The following FHIP2A variants were observed in gnomAD, a reference collection of about 807,000 sequenced individuals.
The protein encoded by FHIP2A is FHF complex subunit HOOK interacting protein 2A, also known as family with sequence similarity 160 member B1.
Under a neutral mutation model 93.5 loss-of-function variants are expected in FHIP2A, and 46 were observed. The ratio of observed to expected loss-of-function variants is 0.49; its 90% CI spans 0.39 to 0.63. The LOEUF (loss-of-function observed/expected upper bound fraction) is 0.63, where lower values mean the gene tolerates loss of function less well. FHIP2A is among the 20% of genes least tolerant of loss of function. FHIP2A has a pLI of 0.00. For synonymous variants in FHIP2A, 332 were observed against 326.5 expected (o/e 1.02, Z -0.18); for missense variants, 769 against 909.7 (o/e 0.85, Z 1.99).
chr10:114,853,181 TAGC>T (rs1336841977), intron 13 of FHIP2A, among the ~76,000 whole-genome samples: 2 of 152,232 alleles, frequency 1.3e-5, no homozygotes, highest in African/African-American at 4.8e-5. Context: ...TCAAAATATG[TAGC>T]TTAGAGCTTT....
chr10:114,890,446 T>TACAC (rs960756080), intron 16 of FHIP2A, among the ~76,000 whole-genome samples: 3 of 149,196 alleles, frequency 2.0e-5, no homozygotes, highest in African/African-American at 7.4e-5. Context: ...TGTGTGTGTA[T>TACAC]ACACACACAT....
rs752564985 is a variant in FHIP2A at position 114,833,329 on chromosome 10, A to G, written c.221A>G (p.Glu74Gly). Residue 74 changes from glutamate to glycine, a missense_variant, in exon 3 of 17, where the codon GAG becomes GGG. Glu to Gly is a moderately conservative substitution (Grantham distance 98, BLOSUM62 -2). Coordinates refer to ENST00000369248, the MANE Select transcript of FHIP2A (RefSeq NM_020940.4). ...VQEENERESGETGPCMEYLLH... is the reference protein window; with the variant it reads ...VQEENERESGGTGPCMEYLLH... ...GAAGAAAATGAACGGGAATCTGGAG[A>G]GACAGGGCCATGTATGGAATATTTG... 5.0e-6 allele frequency: 8 copies of G among 1,614,016 alleles called. No individual in the cohort carries two copies. Among genetic ancestry groups the G allele is most frequent in the Non-Finnish European group, 5.9e-6 (7 of 1,179,916 alleles).
At position 114,863,670 on chromosome 10, in the gene FHIP2A, A is replaced by C. The variant is rs2083813727; in HGVS notation, c.*2130A>C. 2 of 1,301,892 alleles carry C rather than the reference A, an allele frequency of 1.5e-6. No individual in the cohort carries two copies. Among genetic ancestry groups the C allele is most frequent in the Non-Finnish European group, 2.0e-6 (2 of 988,084 alleles). 80.6% of individuals were successfully genotyped at this position (1,301,892 alleles called of 1,614,324 possible). On this transcript the variant is annotated 3_prime_UTR_variant, in exon 17 of 17. Transcript: ENST00000369248. Reference sequence around the variant, plus strand: ...TTAGTTCAGACCTAGAGCCAGTAGAAGCTCTCACAGTGAGTTCAATTTGTT... The same window carrying C: ...TTAGTTCAGACCTAGAGCCAGTAGACGCTCTCACAGTGAGTTCAATTTGTT...
chr10:114,859,940 A>G (rs1432200037), intron 14 of FHIP2A, among the ~76,000 whole-genome samples: 1 of 152,194 alleles, frequency 6.6e-6, no homozygotes, highest in East Asian at 1.9e-4. Flanking sequence ...TCTGGTGACA[A>G]GGTTCTGTGA....
intron 1 of FHIP2A, among the ~76,000 whole-genome samples, chr10:114,826,225 T>A (rs1592011792): frequency 6.6e-6 from 1 of 152,208 alleles, no homozygotes; most frequent in East Asian, 1.9e-4. Flanking sequence ...TTGGTCACAA[T>A]GCTTACAGTC....
chr10:114,848,571 T>G (rs1200738921), intron 12 of FHIP2A, 76 bp from the exon 13 acceptor site: 1 of 824,716 alleles, frequency 1.2e-6, no homozygotes, highest in Non-Finnish European at 2.0e-6. Context: ...GATTATGGTC[T>G]TTTTCACTTC....
intron 16 of FHIP2A, among the ~76,000 whole-genome samples, chr10:114,886,112 G>A (rs1379985257): frequency 6.6e-6 from 1 of 152,142 alleles, no homozygotes; most frequent in Non-Finnish European, 1.5e-5. Context: ...AGGAGGAGGA[G>A]GAGGAATTAA....
At chr10:114,823,758 A>G (rs1368070108) in intron 1 of FHIP2A, among the ~76,000 whole-genome samples, 1 of 151,724 alleles carries the variant, frequency 6.6e-6, no homozygotes, top group Non-Finnish European at 1.5e-5. Context: ...TTGGCCTCCC[A>G]AAGTGCTGGG....
chr10:114,830,953 A>C (rs375722459), intron 2 of FHIP2A, 23 bp downstream of exon 2: 99 of 1,409,438 alleles, frequency 7.0e-5, no homozygotes, highest in Middle Eastern at 3.6e-4. Context: ...GCTGATATTA[A>C]CTGAAAATTT....
rs71473073 is a variant in FHIP2A at position 114,880,680 on chromosome 10, A to AACACACACACACACACACACAC, written c.2193-18800_2193-18779dup. ...GGGCAACAGAGTGAGACTCCATGTC[A>AACACACACACACACACACACAC]ACACACACACACACACACACACACA... is the stretch of plus-strand genomic sequence containing the variant. On this transcript the variant is annotated intron_variant, in intron 16 of 16. Coordinates refer to the FHIP2A transcript ENST00000369250. Among the ~76,000 whole-genome samples, 1,350 of 144,076 alleles carry AACACACACACACACACACACAC rather than the reference A, an allele frequency of 9.4e-3. 17 individuals carry two copies. Among genetic ancestry groups the AACACACACACACACACACACAC allele is most frequent in the Admixed American group, 0.02 (284 of 14,300 alleles). 94.5% of individuals were successfully genotyped at this position (144,076 alleles called of 152,430 possible). A position where few individuals can be genotyped will look rare whatever the true frequency, so the allele number is the denominator to read the frequency against.
intron 2 of FHIP2A, 83 bp downstream of exon 2, chr10:114,831,013 G>A: frequency 7.1e-6 from 5 of 703,064 alleles, no homozygotes; most frequent in South Asian, 6.5e-5. Flanking sequence ...TTTTAAGTAA[G>A]TCTCCAAAGT....
downstream of FHIP2A, among the ~76,000 whole-genome samples, chr10:114,865,070 C>A (rs1230322157): frequency 6.6e-6 from 1 of 152,090 alleles, no homozygotes; most frequent in Non-Finnish European, 1.5e-5. Context: ...TCACTGCAAC[C>A]TCCGCCCCCT....
intron 7 of FHIP2A, among the ~76,000 whole-genome samples, chr10:114,845,009 G>A (rs1034817410): frequency 6.8e-6 from 1 of 147,380 alleles, no homozygotes; most frequent in African/African-American, 2.5e-5. Flanking sequence ...CATCATATTG[G>A]CCAGGCTGGT....
chr10:114,875,910 GAGAA>G (rs77786368), intron 16 of FHIP2A, among the ~76,000 whole-genome samples: 1,452 of 74,788 alleles, frequency 0.019, 78 homozygotes, highest in African/African-American at 0.052. Flanking sequence ...AATAAAGAAA[GAGAA>G]AGAAAGAAAG....
intron 1 of FHIP2A, among the ~76,000 whole-genome samples, chr10:114,828,003 CACTT>C (rs1035356207): frequency 7.4e-5 from 9 of 120,894 alleles, no homozygotes; most frequent in African/African-American, 2.3e-4. Context: ...TACTGATTCA[CACTT>C]TTTTTTTTTT....
chr10:114,880,396 C>T (rs1476126681), intron 16 of FHIP2A, among the ~76,000 whole-genome samples: 1 of 152,160 alleles, frequency 6.6e-6, no homozygotes, highest in African/African-American at 2.4e-5. Context: ...AAAAACCCTT[C>T]AGGCTGGGTG....
intron 1 of FHIP2A, 54 bp downstream of exon 1, chr10:114,822,177 C>T: frequency 8.8e-7 from 1 of 1,142,086 alleles, no homozygotes; most frequent in Non-Finnish European, 1.1e-6. Flanking sequence ...GCGGCCTACG[C>T]TCCCCGGCGG....
At chr10:114,873,531 T>TATC (rs1378921472) in intron 16 of FHIP2A, among the ~76,000 whole-genome samples, 1 of 152,210 alleles carries the variant, frequency 6.6e-6, no homozygotes, top group East Asian at 1.9e-4. Flanking sequence ...GTTAATACTG[T>TATC]ATCTTCTTGA....
Position 114,843,022 on chromosome 10 carries a change from A to G in FHIP2A, c.612A>G (p.Thr204=), listed in dbSNP as rs1421214610. Residue 204 remains threonine, a synonymous_variant, in exon 6 of 17, where the codon ACA becomes ACG. Transcript: ENST00000369248. ...GTCAGGATTCCTTGTCAACAGATAC[A>G]GGACAGTCCCGTCAACCAGAGGAAC... The part of the protein sequence containing the change: ...LKGQDSLSTD[T]GQSRQPEELS... 1 of 1,613,774 alleles carries G rather than the reference A, an allele frequency of 6.2e-7. No individual in the cohort carries two copies. Among genetic ancestry groups the G allele is most frequent in the Non-Finnish European group, 8.5e-7 (1 of 1,179,750 alleles).
Sources: allele counts gnomAD v4.1 joint callset (sites outside exome capture counted in the v4.1 genomes callset), GRCh38; gene constraint gnomAD v4.1.1; transcripts MANE v1.5; gene names NCBI Gene and HGNC (gene_info 2026-07-23, HGNC 2026-07-21).